Variants in EXOC2 observed in about 807,000 individuals in gnomAD.
The protein encoded by EXOC2 is SEC5-like 1.
EXOC2 carries 70 observed loss-of-function variants against 131.8 expected under a neutral mutation model. The ratio of observed to expected loss-of-function variants is 0.53; its 90% CI spans 0.44 to 0.65. The LOEUF is 0.65. Ranked by LOEUF, EXOC2 falls within the 30% of genes least tolerant of loss-of-function variation. EXOC2 has a pLI of 0.00. For synonymous variants in EXOC2, 411 were observed against 398.4 expected, an observed-to-expected ratio of 1.03 and a Z score of -0.38; for missense variants, 923 against 1,108.6, an observed-to-expected ratio of 0.83 and a Z score of 2.38.
At chr6:569,947 C>T (rs1758176602) in intron 13 of EXOC2, among the ~76,000 whole-genome samples, 1 of 152,092 alleles carries the variant, frequency 6.6e-6, no homozygotes, top group African/African-American at 2.4e-5. Context: ...AAACATACTC[C>T]CTTTTCACTA....
chr6:495,313 G>GA (rs1365523472), intron 25 of EXOC2, among the ~76,000 whole-genome samples: 2 of 150,686 alleles, frequency 1.3e-5, no homozygotes, highest in Non-Finnish European at 3.0e-5. Flanking sequence ...TTTTAGTAGA[G>GA]ACGGGTTTCA....
At chr6:650,594 G>A (rs148631845) in intron 1 of EXOC2, among the ~76,000 whole-genome samples, 52 of 152,086 alleles carry the variant, frequency 3.4e-4, no homozygotes, top group African/African-American at 1.2e-3. Context: ...TGCAGATTAG[G>A]GAATAACCTA....
intron 22 of EXOC2, among the ~76,000 whole-genome samples, chr6:537,322 G>A (rs946249378): frequency 6.0e-5 from 9 of 149,884 alleles, no homozygotes; most frequent in African/African-American, 2.2e-4. Flanking sequence ...ACGAGATGAC[G>A]GCCGACGGAG....
chr6:517,232 G>A (rs139986771), intron 23 of EXOC2, among the ~76,000 whole-genome samples: 82 of 152,168 alleles, frequency 5.4e-4, no homozygotes, highest in African/African-American at 1.9e-3. Context: ...CTGATTCTAC[G>A]AAGCAAGGAA....
At chr6:597,702 T>G (rs1759895675) in intron 10 of EXOC2, among the ~76,000 whole-genome samples, 1 of 152,174 alleles carries the variant, frequency 6.6e-6, no homozygotes, top group Admixed American at 6.5e-5. Context: ...CCTTCACAGA[T>G]TATGGGTACC....
intron 23 of EXOC2, among the ~76,000 whole-genome samples, chr6:530,466 C>T (rs1472649905): frequency 1.3e-5 from 2 of 152,170 alleles, no homozygotes; most frequent in African/African-American, 2.4e-5. Context: ...ACATTTCCCG[C>T]GGGCACAGAG....
In EXOC2 at chr6:592,567, G is replaced by A. The variant is rs931089182; in HGVS notation, c.1094C>T (p.Ala365Val). 6.8e-6 allele frequency: 11 copies of A among 1,613,932 alleles called. No individual in the cohort carries two copies. The highest frequency in any genetic ancestry group is 6.8e-6 in the Non-Finnish European group (8 of 1,179,878). ...RYIRYLSDLHASGDPAWQCIG... is the reference protein window; with the variant it reads ...RYIRYLSDLHVSGDPAWQCIG... Reference sequence around the variant, plus strand: ...GCATTGCCAAGCAGGGTCACCAGACGCATGAAGGTCAGACAGGTACCTGAA... The same window carrying A: ...GCATTGCCAAGCAGGGTCACCAGACACATGAAGGTCAGACAGGTACCTGAA... The change falls in exon 11 of 28, where the codon GCG becomes GTG. Residue 365 changes from alanine (A) to valine (V), a missense_variant. By Grantham distance (64) the Ala-to-Val change is moderately conservative (BLOSUM62 0). Transcript: ENST00000230449.
rs557710144 is a variant in EXOC2 at position 553,462 on chromosome 6, T to C, written c.2121+392A>G. 1.3e-4 allele frequency among the ~76,000 whole-genome samples: 19 copies of C among 151,850 alleles called. 1 individual carries two copies. Among genetic ancestry groups the C allele is most frequent in the Middle Eastern group, 6.8e-3 (2 of 294 alleles). On this transcript the variant is annotated intron_variant, in intron 21 of 27. Coordinates refer to ENST00000230449, the MANE Select transcript of EXOC2 (RefSeq NM_018303.6). ...AAATAAAAGGCTACGATGGAACTTA[T>C]AGAAATAAAACAGAGAAAAGCAGAA...
chr6:548,992 G>T (rs1757005245), intron 22 of EXOC2, among the ~76,000 whole-genome samples, 183 bp downstream of exon 22: 1 of 152,160 alleles, frequency 6.6e-6, no homozygotes, highest in Admixed American at 6.5e-5. Context: ...ACCATTCAAG[G>T]TGAACCATGG....
chr6:678,763 A>C (rs1247648709), intron 1 of EXOC2, among the ~76,000 whole-genome samples: 1 of 152,226 alleles, frequency 6.6e-6, no homozygotes, highest in African/African-American at 2.4e-5. Context: ...ACACGGTGGG[A>C]AAATTCCAAA....
intron 11 of EXOC2, among the ~76,000 whole-genome samples, chr6:579,752 A>G (rs967429302): frequency 3.3e-5 from 5 of 152,196 alleles, no homozygotes; most frequent in African/African-American, 1.2e-4. Flanking sequence ...CAAATTATGT[A>G]TGACCAAGTG....
At chr6:682,199 C>CTTTTT (rs10654916) in intron 1 of EXOC2, among the ~76,000 whole-genome samples, 3 of 129,634 alleles carry the variant, frequency 2.3e-5, no homozygotes, top group Non-Finnish European at 3.3e-5. Context: ...TTCCCAGTTT[C>CTTTTT]TTTTTTTTTT....
intron 13 of EXOC2, among the ~76,000 whole-genome samples, chr6:570,792 C>T (rs150504465): frequency 5.3e-5 from 8 of 152,290 alleles, no homozygotes; most frequent in Non-Finnish European, 8.8e-5. Flanking sequence ...TAGTGTTCTG[C>T]GTGAAAACCT....
chr6:670,401 G>A (rs910115165), intron 1 of EXOC2: 2 of 152,084 alleles, frequency 1.3e-5, no homozygotes, highest in African/African-American at 4.8e-5. Flanking sequence ...TCCTACTGAG[G>A]TCACAGCAAG....
chr6:496,300 G>A (rs1763735479), intron 25 of EXOC2, among the ~76,000 whole-genome samples: 1 of 152,260 alleles, frequency 6.6e-6, no homozygotes, highest in Non-Finnish European at 1.5e-5. Flanking sequence ...CATTGTGAAT[G>A]TTATGCTGTG....
intron 7 of EXOC2, among the ~76,000 whole-genome samples, chr6:605,402 G>T (rs541513527): frequency 6.6e-6 from 1 of 152,306 alleles, no homozygotes; most frequent in East Asian, 1.9e-4. Context: ...AAACATCAGA[G>T]ATTCAACTTC....
intron 23 of EXOC2, among the ~76,000 whole-genome samples, chr6:529,252 G>A (rs928194009): frequency 9.9e-5 from 15 of 152,176 alleles, no homozygotes; most frequent in African/African-American, 3.6e-4. Flanking sequence ...CTTCATAGAT[G>A]TCTGTTTTCC....
At chr6:508,514 C>T (rs995238635) in intron 23 of EXOC2, among the ~76,000 whole-genome samples, 3 of 152,214 alleles carry the variant, frequency 2.0e-5, no homozygotes, top group Admixed American at 1.3e-4. Context: ...TCTCCTGTTA[C>T]AGAGTGTCGT....
intron 23 of EXOC2, among the ~76,000 whole-genome samples, chr6:514,205 A>T (rs1331073750): frequency 1.3e-5 from 2 of 152,190 alleles, no homozygotes; most frequent in Non-Finnish European, 2.9e-5. Flanking sequence ...GGAAATGTTC[A>T]AGTTGTTTTC....
Sources: allele counts gnomAD v4.1 joint callset (sites outside exome capture counted in the v4.1 genomes callset), GRCh38; gene constraint gnomAD v4.1.1; transcripts MANE v1.5; gene names NCBI Gene and HGNC (gene_info 2026-07-23, HGNC 2026-07-21).